Variants in ZNF385D observed in about 807,000 individuals in gnomAD.
The protein encoded by ZNF385D is zinc finger protein 659.
Under a neutral mutation model 35.8 loss-of-function variants are expected in ZNF385D, and 15 were observed. The ratio of observed to expected loss-of-function variants is 0.42; its 90% CI spans 0.28 to 0.64. ZNF385D has a LOEUF of 0.64. ZNF385D is among the 30% of genes least tolerant of loss of function. The probability of loss-of-function intolerance (pLI) is 0.23; values close to 1 mark genes in which losing one functional copy is unlikely to be tolerated. For missense variants in ZNF385D, 474 were observed against 494.6 expected, an observed-to-expected ratio of 0.96 and a Z score of 0.39; for synonymous variants, 212 against 186.8, an observed-to-expected ratio of 1.13 and a Z score of -1.10.
chr3:21,563,461 TAGTA>T (rs1377559152), intron 3 of ZNF385D: 24 of 152,344 alleles, frequency 1.6e-4, no homozygotes, highest in African/African-American at 5.8e-4. Context: ...ATGATTGCAT[TAGTA>T]AGTATGAGTT....
At position 21,646,558 on chromosome 3, in the gene ZNF385D, T is replaced by C. The variant is rs1030945332; in HGVS notation, c.165+18328A>G. 2.6e-5 allele frequency among the ~76,000 whole-genome samples: 4 copies of C among 152,184 alleles called. No individual in the cohort carries two copies. The highest frequency in any genetic ancestry group is 6.5e-5 in the Admixed American group (1 of 15,268). On this transcript the variant is annotated intron_variant, in intron 2 of 7. Coordinates refer to ENST00000281523, the MANE Select transcript of ZNF385D (RefSeq NM_024697.3). The surrounding 1 kb of genome is among the most constrained non-coding windows in gnomAD (Gnocchi z 4.3). ...TCAGCAAATACTAACTGAGTGTCTA[T>C]TGTGTATTGACCACCTAACAAATAG...
intron 3 of ZNF385D, among the ~76,000 whole-genome samples, chr3:22,085,128 G>C (rs1700960512): frequency 1.3e-5 from 2 of 152,170 alleles, no homozygotes; most frequent in African/African-American, 4.8e-5. Context: ...AAGCAGGAAA[G>C]ATCTAAAATC....
chr3:21,475,291 A>G (rs1411330615), intron 4 of ZNF385D, among the ~76,000 whole-genome samples: 1 of 152,216 alleles, frequency 6.6e-6, no homozygotes, highest in Non-Finnish European at 1.5e-5. Context: ...ATTAAAATCT[A>G]TATGTATTCT....
intron 3 of ZNF385D, among the ~76,000 whole-genome samples, chr3:22,067,772 C>T (rs913441408): frequency 5.3e-5 from 8 of 152,136 alleles, no homozygotes; most frequent in African/African-American, 1.7e-4. Context: ...GCCTGTAATT[C>T]CAGTACTTTG....
Sources: allele counts gnomAD v4.1 joint callset (sites outside exome capture counted in the v4.1 genomes callset), GRCh38; gene constraint gnomAD v4.1.1; non-coding constraint Gnocchi (gnomAD v3.1); transcripts MANE v1.5; gene names NCBI Gene and HGNC (gene_info 2026-07-23, HGNC 2026-07-21).